The following WWOX variants were observed in gnomAD, a reference collection of about 807,000 sequenced individuals.
The protein encoded by WWOX is WW domain-containing oxidoreductase.
WWOX carries 69 observed loss-of-function variants against 46.2 expected under a neutral mutation model. The ratio of observed to expected loss-of-function variants is 1.49; its 90% CI spans 1.23 to 1.82. WWOX has a LOEUF of 1.82. WWOX is among the 40% of genes most tolerant of loss of function. WWOX has a pLI of 0.00. For synonymous variants in WWOX, 359 were observed against 202.6 expected (o/e 1.77, Z -6.56); for missense variants, 919 against 542.6 (o/e 1.69, Z -6.89).
intron 5 of WWOX, among the ~76,000 whole-genome samples, chr16:78,302,373 T>C (rs984911182): frequency 6.6e-6 from 1 of 152,288 alleles, no homozygotes; most frequent in East Asian, 1.9e-4. Context: ...TCCCAGAAGT[T>C]GCCTCAGCCT....
At chr16:78,707,860 A>C (rs1336999845) in intron 8 of WWOX, among the ~76,000 whole-genome samples, 1 of 150,988 alleles carries the variant, frequency 6.6e-6, no homozygotes, top group Non-Finnish European at 1.5e-5. Context: ...TAAATAAATA[A>C]ATAAATAAAT....
chr16:78,278,095 A>G (rs1472202202), intron 5 of WWOX, among the ~76,000 whole-genome samples: 1 of 152,206 alleles, frequency 6.6e-6, no homozygotes, highest in African/African-American at 2.4e-5. Context: ...CATAATGCCA[A>G]ACATTTGTTT....
chr16:78,639,280 C>T (rs937370666), intron 8 of WWOX, among the ~76,000 whole-genome samples: 2 of 152,170 alleles, frequency 1.3e-5, no homozygotes, highest in African/African-American at 4.8e-5. Flanking sequence ...CGATGACACA[C>T]GCAGGGAAGC....
intron 8 of WWOX, among the ~76,000 whole-genome samples, chr16:78,954,865 C>T (rs868105430): frequency 1.3e-5 from 2 of 152,140 alleles, no homozygotes; most frequent in African/African-American, 2.4e-5. Context: ...TTGTAGCTCA[C>T]TCCAGTCTTG....
At chr16:78,639,422 G>A (rs1460297569) in intron 8 of WWOX, among the ~76,000 whole-genome samples, 2 of 152,182 alleles carry the variant, frequency 1.3e-5, no homozygotes, top group African/African-American at 4.8e-5. Context: ...ATGAGGAAAT[G>A]GAAGTGCACA....
intron 5 of WWOX, among the ~76,000 whole-genome samples, chr16:78,252,231 C>G (rs2038002565): frequency 6.6e-6 from 1 of 152,104 alleles, no homozygotes; most frequent in South Asian, 2.1e-4. Context: ...TTAGAATGGA[C>G]AGAAGCTAGC....
intron 4 of WWOX, among the ~76,000 whole-genome samples, chr16:78,116,868 A>T (rs1038056120): frequency 6.6e-6 from 1 of 152,174 alleles, no homozygotes; most frequent in African/African-American, 2.4e-5. Context: ...GTGACTACTG[A>T]TTGTTTTTTG....
intron 6 of WWOX, among the ~76,000 whole-genome samples, chr16:78,401,801 G>C (rs1168255154): frequency 2.6e-5 from 4 of 152,098 alleles, no homozygotes; most frequent in Admixed American, 1.3e-4. Flanking sequence ...CTGGGTTCAA[G>C]TGATTCTCCT....
At chr16:78,115,286 A>G (rs1433194085) in intron 4 of WWOX, 132 bp downstream of exon 4, 7 of 1,077,540 alleles carry the variant, frequency 6.5e-6, no homozygotes, top group South Asian at 2.7e-5. Flanking sequence ...ATATCGTTTC[A>G]TTAACATCAC....
rs537146913 is a variant in WWOX, at chr16:78,665,302, G to T, written c.1056+232550G>T. On this transcript the variant is annotated intron_variant, in intron 8 of 8. Transcript: ENST00000566780. ...TGTAGAGAAGAGAGTTTTCAGTTAT[G>T]CATGACACTGCCTTACCCATTGTGG... Among the ~76,000 whole-genome samples the T allele has an allele frequency of 7.9e-5, 12 of 152,272 alleles. No individual in the cohort carries two copies. The East Asian group carries it at 2.3e-3, about 29-fold the overall frequency.
intron 5 of WWOX, chr16:78,270,452 CT>C (rs1375526041): frequency 3.9e-5 from 6 of 152,368 alleles, no homozygotes; most frequent in African/African-American, 1.4e-4. Flanking sequence ...GGTTTCTAAG[CT>C]TGGGGCTCCT....
At chr16:78,777,311 C>G (rs1319077706) in intron 8 of WWOX, among the ~76,000 whole-genome samples, 1 of 152,154 alleles carries the variant, frequency 6.6e-6, no homozygotes, top group Non-Finnish European at 1.5e-5. Context: ...AAAGGGAGGA[C>G]TTTCTGATGA....
intron 8 of WWOX, among the ~76,000 whole-genome samples, chr16:78,814,199 C>A (rs963775881): frequency 6.6e-6 from 1 of 152,154 alleles, no homozygotes; most frequent in African/African-American, 2.4e-5. Context: ...ATAATTCTGT[C>A]TTCTAGAGAA....
chr16:78,917,260 C>T (rs771249730), intron 8 of WWOX, among the ~76,000 whole-genome samples: 1 of 152,228 alleles, frequency 6.6e-6, no homozygotes, highest in African/African-American at 2.4e-5. Flanking sequence ...AACTGAGAGT[C>T]AGGAGGCGTG....
intron 8 of WWOX, among the ~76,000 whole-genome samples, chr16:78,917,001 A>T (rs2045266892): frequency 6.6e-6 from 1 of 152,132 alleles, no homozygotes; most frequent in Admixed American, 6.5e-5. Context: ...CAGCATTGGC[A>T]CCATTTTGTG....
At chr16:79,210,334 C>T (rs941578812) in intron 8 of WWOX, among the ~76,000 whole-genome samples, 1 of 152,176 alleles carries the variant, frequency 6.6e-6, no homozygotes, top group African/African-American at 2.4e-5. Context: ...ATGGACCTGA[C>T]TCTCCCAGGG....
intron 4 of WWOX, among the ~76,000 whole-genome samples, chr16:78,121,548 C>G (rs2033093108): frequency 6.6e-6 from 1 of 152,102 alleles, no homozygotes; most frequent in South Asian, 2.1e-4. Flanking sequence ...AGCATCATCT[C>G]ATAATTTGGT....
intron 8 of WWOX, among the ~76,000 whole-genome samples, chr16:78,853,993 C>T (rs934240075): frequency 6.6e-6 from 1 of 152,070 alleles, no homozygotes; most frequent in East Asian, 1.9e-4. Flanking sequence ...AAAAAATGAA[C>T]AGAGGAAATG....
intron 8 of WWOX, among the ~76,000 whole-genome samples, chr16:78,894,006 CTT>C (rs943779932): frequency 1.5e-4 from 18 of 120,728 alleles, no homozygotes; most frequent in Non-Finnish European, 2.1e-4. Flanking sequence ...AGAGTAATGT[CTT>C]TTATTGAGGC....
Sources: gnomAD v4.1 joint callset for allele counts (sites outside exome capture counted in the v4.1 genomes callset) on GRCh38, gnomAD v4.1.1 for gene constraint, MANE v1.5 for transcripts, NCBI Gene and HGNC (gene_info 2026-07-23, HGNC 2026-07-21) for gene names.